Variants in GPR153 observed in about 807,000 individuals in gnomAD.
GPR153 encodes G protein-coupled receptor 153, also known as probable G protein-coupled receptor 153.
GPR153 carries 27 observed loss-of-function variants against 34.1 expected under a neutral mutation model. The ratio of observed to expected loss-of-function variants is 0.79; its 90% CI spans 0.58 to 1.09. The LOEUF is 1.09. Ranked by LOEUF, GPR153 falls within the 50% of genes least tolerant of loss-of-function variation. GPR153 has a pLI of 0.00. For synonymous variants in GPR153, 408 were observed against 405.4 expected (o/e 1.01, Z -0.08); for missense variants, 848 against 860.2 (o/e 0.99, Z 0.18).
At chr1:6,254,476 A>G in intron 2 of GPR153, 74 bp downstream of exon 2, 5 of 1,324,514 alleles carry the variant, frequency 3.8e-6, no homozygotes, top group Non-Finnish European at 5.2e-6. Context: ...CTGTGTGCGC[A>G]TGGGCACACC....
rs72632578 is a variant in GPR153 at position 6,254,333 on chromosome 1, C to T, written c.357-186G>A. Among the ~76,000 whole-genome samples, 6,940 of 152,290 alleles carry T rather than the reference C, an allele frequency of 0.046. 210 individuals are homozygous for T. Among genetic ancestry groups the T allele is most frequent in the South Asian group, 0.086 (415 of 4,828 alleles). Reference sequence around the variant, plus strand: ...AGGAGATACTGTGAACATTGTCACACGTCCCTCTTCCAAGCATTCTGTATT... The same window carrying T: ...AGGAGATACTGTGAACATTGTCACATGTCCCTCTTCCAAGCATTCTGTATT... On this transcript the variant is annotated intron_variant, in intron 2 of 5. Transcript: ENST00000377893.
intron 2 of GPR153, 101 bp downstream of exon 2, chr1:6,254,449 C>T: frequency 3.6e-6 from 4 of 1,111,442 alleles, no homozygotes; most frequent in Non-Finnish European, 5.2e-6. Flanking sequence ...CCCAGCATGC[C>T]ACAGGTGTGG....
intron 1 of GPR153, 95 bp downstream of exon 1, chr1:6,260,730 C>G (rs934525776): frequency 1.3e-5 from 2 of 151,912 alleles, no homozygotes; most frequent in African/African-American, 2.4e-5. Flanking sequence ...GACCCCGCGA[C>G]CGATAGGGCG....
chr1:6,253,957 T>C lies in GPR153; in HGVS notation c.547A>G (p.Ser183Gly), dbSNP rs923802412. The change falls in exon 3 of 6, where the codon AGC (serine) becomes GGC (glycine). Residue 183 changes from serine (S) to glycine (G), a missense_variant. Physicochemically the swap from Ser to Gly is moderately conservative, Grantham distance 56 (BLOSUM62 0). Transcript: ENST00000377893. ...GVCFLLLVGG[S>G]VAMGVICTAI... Reference sequence around the variant, plus strand: ...GTGCAGATCACGCCCATGGCCACGCTGCCGCCCACCAGCAGCAGGAAGCAG... The same window carrying C: ...GTGCAGATCACGCCCATGGCCACGCCGCCGCCCACCAGCAGCAGGAAGCAG... 5 of 1,612,596 alleles carry C rather than the reference T, an allele frequency of 3.1e-6. No individual in the cohort carries two copies.
rs1638375414 is a variant in GPR153, at chr1:6,249,268, G to T, written c.*70C>A. 1.8e-6 allele frequency: 2 copies of T among 1,118,358 alleles called. No homozygotes were observed. Among genetic ancestry groups the T allele is most frequent in the Non-Finnish European group, 2.3e-6 (2 of 883,274 alleles). 69.3% of individuals were successfully genotyped at this position (1,118,358 alleles called of 1,614,324 possible). A position where few individuals can be genotyped will look rare whatever the true frequency, so the allele number is the denominator to read the frequency against. ...ATGTCTGCGCGCGGGGCGGAGGCGG[G>T]CGTCTTTGGTGCTGCGGCCCCGGAG... On this transcript the variant is annotated 3_prime_UTR_variant, in exon 6 of 6. Transcript: ENST00000377893. The surrounding 1 kb of genome is among the most constrained non-coding windows in gnomAD (Gnocchi z 4.3).
At chr1:6,260,219 G>T (rs1196299535) in intron 1 of GPR153, among the ~76,000 whole-genome samples, 1 of 151,686 alleles carries the variant, frequency 6.6e-6, no homozygotes, top group Non-Finnish European at 1.5e-5. Flanking sequence ...CCCGGCTTCC[G>T]CCCCCACGCC....
rs1638534916 is a variant in GPR153 at position 6,254,986 on chromosome 1, G to A, written c.-81C>T. 1.1e-5 allele frequency: 12 copies of A among 1,122,226 alleles called. No individual in the cohort carries two copies. Among genetic ancestry groups the A allele is most frequent in the Non-Finnish European group, 1.5e-5 (12 of 812,178 alleles). 69.5% of individuals were successfully genotyped at this position (1,122,226 alleles called of 1,614,324 possible). A position where few individuals can be genotyped will look rare whatever the true frequency, so the allele number is the denominator to read the frequency against. On this transcript the variant is annotated 5_prime_UTR_variant, in exon 2 of 6. Transcript: ENST00000377893. ...GGGAGCAGCAGCCCTCACTCCTGGT[G>A]GCTCAAGGATGCTGGGGACCACGAG... is the stretch of plus-strand genomic sequence containing the variant.
intron 3 of GPR153, among the ~76,000 whole-genome samples, chr1:6,252,445 T>C (rs2100987485): frequency 6.6e-6 from 1 of 152,264 alleles, no homozygotes; most frequent in East Asian, 1.9e-4. Context: ...CGAGGTGCCT[T>C]GTGGGTCTCT....
Position 6,251,540 on chromosome 1 carries a change from CAG to C in GPR153, c.787-12_787-11del. 1 of 1,576,308 alleles carries C rather than the reference CAG, an allele frequency of 6.3e-7. No homozygotes were observed. Among genetic ancestry groups the C allele is most frequent in the Non-Finnish European group, 8.6e-7 (1 of 1,163,756 alleles). On this transcript the variant is annotated splice_polypyrimidine_tract_variant and intron_variant, in intron 3 of 5. Transcript: ENST00000377893. This position sits in a 1 kb window ranked among gnomAD's most constrained non-coding sequence, Gnocchi z 4.9. ...TGCTGAAGCTCACCACCTGTGGGCA[CAG>C]GGCTCGGCCTGGCACCTGCAGGACC...
Position 6,254,119 on chromosome 1 carries a change from G to A in GPR153, c.385C>T (p.His129Tyr). ...ACCATCCAGATACCCATGACTGTGT[G>A]CACCGCCTGCTTCTTGGCATTGCTC... ...RLSNAKKQAV[H>Y]TVMGIWMVSF... The change falls in exon 3 of 6, where the codon CAC becomes TAC. Residue 129 changes from histidine (H) to tyrosine (Y), a missense_variant. By Grantham distance (83) the His-to-Tyr change is moderately conservative. Transcript: ENST00000377893. 2 of 1,611,650 alleles carry A rather than the reference G, an allele frequency of 1.2e-6. No homozygotes were observed. Among genetic ancestry groups the A allele is most frequent in the Non-Finnish European group, 8.5e-7 (1 of 1,178,324 alleles).
rs1571235960 is a variant in GPR153 at position 6,249,263 on chromosome 1, G to A, written c.*75C>T. On this transcript the variant is annotated 3_prime_UTR_variant, in exon 6 of 6. Coordinates refer to ENST00000377893, the MANE Select transcript of GPR153 (RefSeq NM_207370.4). This position sits in a 1 kb window ranked among gnomAD's most constrained non-coding sequence, Gnocchi z 4.3. ...GGCGCATGTCTGCGCGCGGGGCGGA[G>A]GCGGGCGTCTTTGGTGCTGCGGCCC... The A allele has an allele frequency of 1.8e-6, 2 of 1,095,448 alleles. No homozygotes were observed. The highest frequency in any genetic ancestry group is 1.2e-6 in the Non-Finnish European group (1 of 862,532). 67.9% of individuals were successfully genotyped at this position (1,095,448 alleles called of 1,614,324 possible).
intron 1 of GPR153, among the ~76,000 whole-genome samples, chr1:6,260,524 G>C (rs1167113632): frequency 6.6e-6 from 1 of 151,922 alleles, no homozygotes; most frequent in African/African-American, 2.4e-5. Flanking sequence ...GGACCCCTCT[G>C]GGTTGCGCCG....
Position 6,249,915 on chromosome 1 carries a change from C to A in GPR153, c.1253G>T (p.Gly418Val). 7.8e-7 allele frequency: 1 copy of A among 1,287,462 alleles called. No homozygotes were observed. The highest frequency in any genetic ancestry group is 9.9e-7 in the Non-Finnish European group (1 of 1,013,374). 79.8% of individuals were successfully genotyped at this position (1,287,462 alleles called of 1,614,324 possible). A position where few individuals can be genotyped will look rare whatever the true frequency, so the allele number is the denominator to read the frequency against. ...LPAFLPRWGS[G>V]EDLAALAHLV... ...GTGCGCCAGGGCGGCCAGGTCCTCGCCGGAGCCCCAGCGCGGCAGGAAGGC... is the reference window on the plus strand; with the variant it reads ...GTGCGCCAGGGCGGCCAGGTCCTCGACGGAGCCCCAGCGCGGCAGGAAGGC... The change falls in exon 6 of 6, where the codon GGC becomes GTC. Residue 418 changes from glycine to valine, a missense_variant. Coordinates refer to ENST00000377893, the MANE Select transcript of GPR153 (RefSeq NM_207370.4). The surrounding 1 kb of genome is among the most constrained non-coding windows in gnomAD (Gnocchi z 4.3).
chr1:6,260,029 C>A (rs1285737443), intron 1 of GPR153, among the ~76,000 whole-genome samples: 2 of 152,194 alleles, frequency 1.3e-5, no homozygotes, highest in Non-Finnish European at 2.9e-5. Flanking sequence ...GCAGGGCCAA[C>A]TGCAGGTGCA....
rs1638448752 is a variant in GPR153 at position 6,251,512 on chromosome 1, G to A, written c.805C>T (p.Leu269=). The A allele has an allele frequency of 1.9e-6, 3 of 1,602,112 alleles. No homozygotes were observed. The highest frequency in any genetic ancestry group is 2.6e-6 in the Non-Finnish European group (3 of 1,175,354). The change falls in exon 4 of 6, where the codon CTG becomes TTG. Residue 269 remains leucine (L), a synonymous_variant. Transcript: ENST00000377893. This position sits in a 1 kb window ranked among gnomAD's most constrained non-coding sequence, Gnocchi z 4.9. ...FPVLVVSFSS[L]RADASAPWMA... Reference sequence around the variant, plus strand: ...CAGGGCGCTGAGGCGTCGGCCCGCAGGCTGCTGAAGCTCACCACCTGTGGG... The same window carrying A: ...CAGGGCGCTGAGGCGTCGGCCCGCAAGCTGCTGAAGCTCACCACCTGTGGG...
Position 6,254,824 on chromosome 1 carries a change from C to T in GPR153, c.82G>A (p.Gly28Ser), listed in dbSNP as rs770405920. 1 of 1,612,346 alleles carries T rather than the reference C, an allele frequency of 6.2e-7. No homozygotes were observed. The highest frequency in any genetic ancestry group is 8.5e-7 in the Non-Finnish European group (1 of 1,179,446). ...GGLSLLANAWGILSVGAKQKK... is the reference protein window; with the variant it reads ...GGLSLLANAWSILSVGAKQKK... Reference sequence around the variant, plus strand: ...TGCTTGGCGCCAACGCTGAGGATGCCCCAGGCATTGGCCAGCAGGGAGAGG... The same window carrying T: ...TGCTTGGCGCCAACGCTGAGGATGCTCCAGGCATTGGCCAGCAGGGAGAGG... The change falls in exon 2 of 6, where the codon GGC (glycine) becomes AGC (serine). Residue 28 changes from glycine to serine, a missense_variant. Coordinates refer to ENST00000377893, the MANE Select transcript of GPR153 (RefSeq NM_207370.4).
Position 6,249,532 on chromosome 1 carries a change from G to A in GPR153, c.1636C>T (p.Arg546Trp). ...GCAGAGGGGCGTGGCCCTGGGCTCC[G>A]CTGGGCGCTGCTTGGGGGCGTCGGG... ...EAPTPPSSAQ[R>W]SPGPRPSAHS... The change falls in exon 6 of 6, where the codon CGG (arginine) becomes TGG (tryptophan). Residue 546 changes from arginine to tryptophan, a missense_variant. By Grantham distance (101) the Arg-to-Trp change is moderately radical. Coordinates refer to ENST00000377893, the MANE Select transcript of GPR153 (RefSeq NM_207370.4). This position sits in a 1 kb window ranked among gnomAD's most constrained non-coding sequence, Gnocchi z 4.3. 1 of 1,204,792 alleles carries A rather than the reference G, an allele frequency of 8.3e-7. No individual in the cohort carries two copies. Among genetic ancestry groups the A allele is most frequent in the East Asian group, 3.5e-5 (1 of 28,874 alleles). 74.6% of individuals were successfully genotyped at this position (1,204,792 alleles called of 1,614,324 possible). A position where few individuals can be genotyped will look rare whatever the true frequency, so the allele number is the denominator to read the frequency against.
Position 6,251,229 on chromosome 1 carries a change from G to A in GPR153, c.979+109C>T. ...GTGACACGGGGTGTCTGGTGGTTGA[G>A]AATGAAGTCACCTCCTTAGTGGCGT... On this transcript the variant is annotated intron_variant, in intron 4 of 5. Transcript: ENST00000377893. This position sits in a 1 kb window ranked among gnomAD's most constrained non-coding sequence, Gnocchi z 4.9. 1 of 859,640 alleles carries A rather than the reference G, an allele frequency of 1.2e-6. No individual in the cohort carries two copies. The highest frequency in any genetic ancestry group is 2.5e-5 in the East Asian group (1 of 40,340). 53.3% of individuals were successfully genotyped at this position (859,640 alleles called of 1,614,324 possible).
Position 6,249,817 on chromosome 1 carries a change from G to C in GPR153, c.1351C>G (p.Arg451Gly). The change falls in exon 6 of 6, where the codon CGC (arginine) becomes GGC (glycine). Residue 451 changes from arginine to glycine, a missense_variant. Physicochemically the swap from Arg to Gly is moderately radical, Grantham distance 125. Coordinates refer to ENST00000377893, the MANE Select transcript of GPR153 (RefSeq NM_207370.4). This position sits in a 1 kb window ranked among gnomAD's most constrained non-coding sequence, Gnocchi z 4.3. ...CTCTCGGCCGAGCGGCGGCGCGCGC[G>C]GGACGGTGGTGCGTCCTCCGCGAAG... is the stretch of plus-strand genomic sequence containing the variant. The part of the protein sequence containing the change: ...LAFAEDAPPS[R>G]ARRRSAESLL... 1 of 1,207,738 alleles carries C rather than the reference G, an allele frequency of 8.3e-7. No individual in the cohort carries two copies. The highest frequency in any genetic ancestry group is 1.0e-6 in the Non-Finnish European group (1 of 972,812). 74.8% of individuals were successfully genotyped at this position (1,207,738 alleles called of 1,614,324 possible).
Sources: gnomAD v4.1 joint callset for allele counts (sites outside exome capture counted in the v4.1 genomes callset) on GRCh38, gnomAD v4.1.1 for gene constraint, Gnocchi (gnomAD v3.1) non-coding constraint, MANE v1.5 for transcripts, NCBI Gene and HGNC (gene_info 2026-07-23, HGNC 2026-07-21) for gene names.